Variants in CLDN10 observed in about 807,000 individuals in gnomAD.
The protein encoded by CLDN10 is claudin 10, also known as claudin-10.
A neutral mutation model predicts 22.9 loss-of-function variants in CLDN10; 15 were observed. That is an observed-to-expected ratio of 0.65 (90% CI 0.44 to 1.01). CLDN10 has a LOEUF of 1.01. Ranked by LOEUF, CLDN10 falls within the 50% of genes least tolerant of loss-of-function variation. The pLI is 0.00. For missense variants in CLDN10, 247 were observed against 287.8 expected (o/e 0.86, Z 1.03); for synonymous variants, 114 against 111.4 (o/e 1.02, Z -0.15).
At chr13:95,433,886 C>G (rs369938854) in exon 1 of CLDN10, 2 of 1,614,066 alleles carry the variant, frequency 1.2e-6, no homozygotes, top group Non-Finnish European at 8.5e-7. Context: ...GGGTTTGGAG[C>G]TCTCGTTGCT....
At chr13:95,437,685 G>A (rs2042285520) in intron 1 of CLDN10, among the ~76,000 whole-genome samples, 1 of 152,140 alleles carries the variant, frequency 6.6e-6, no homozygotes, top group Admixed American at 6.5e-5. Flanking sequence ...TCGCGATGAG[G>A]GCAAAATTGT....
intron 1 of CLDN10, among the ~76,000 whole-genome samples, chr13:95,531,696 A>AT (rs554517238): frequency 0.029 from 4,012 of 137,762 alleles, 73 homozygotes; most frequent in African/African-American, 0.059. Context: ...CGCCTGGCTA[A>AT]TTTTTTTTTT....
intron 1 of CLDN10, among the ~76,000 whole-genome samples, chr13:95,511,194 G>A (rs1429172236): frequency 1.3e-5 from 2 of 152,060 alleles, no homozygotes; most frequent in African/African-American, 4.8e-5. Flanking sequence ...CTGAAAGTCA[G>A]TCAACTGTAA....
At chr13:95,544,261 A>C (rs141764231) in intron 1 of CLDN10, among the ~76,000 whole-genome samples, 15 of 152,244 alleles carry the variant, frequency 9.9e-5, no homozygotes, top group Non-Finnish European at 1.9e-4. Flanking sequence ...CAGGTTGCTT[A>C]ACCAAATTTC....
rs148742018 is a variant in CLDN10, at chr13:95,510,273, A to G, written c.215-49859A>G. 1.4e-3 allele frequency among the ~76,000 whole-genome samples: 207 copies of G among 152,304 alleles called. 1 individual carries two copies. Among genetic ancestry groups the G allele is most frequent in the African/African-American group, 4.8e-3 (199 of 41,560 alleles). ...CTGCCTTTGAGTTTTGCTTAGGCCA[A>G]TCTTGCAATTCTCCCTCAATCCACG... On this transcript the variant is annotated intron_variant, in intron 1 of 4. Transcript: ENST00000376873.
rs558679405 is a variant in CLDN10, at chr13:95,498,552, G to C, written c.215-61580G>C. Among the ~76,000 whole-genome samples the C allele has an allele frequency of 1.6e-4, 25 of 151,990 alleles. No individual in the cohort carries two copies. In the East Asian group the frequency reaches 3.1e-3, roughly 19 times the overall value. ...TGGGACTACAGGCACAAGCCACCAC[G>C]CCTGGCTGATTTTTGTATTTTTAGT... On this transcript the variant is annotated intron_variant, in intron 1 of 4. Transcript: ENST00000376873.
At chr13:95,536,881 A>G (rs2043406121) in intron 1 of CLDN10, among the ~76,000 whole-genome samples, 1 of 152,206 alleles carries the variant, frequency 6.6e-6, no homozygotes, top group Non-Finnish European at 1.5e-5. Flanking sequence ...ATAGTGCGGT[A>G]TTTTACAAAA....
chr13:95,493,169 C>T (rs927789), intron 1 of CLDN10, among the ~76,000 whole-genome samples: 13,199 of 152,064 alleles, frequency 0.087, 606 homozygotes, highest in Middle Eastern at 0.095. Context: ...CTCTGCAGTT[C>T]CACCTCTGCC....
chr13:95,508,529 G>A (rs1258047547), intron 1 of CLDN10, among the ~76,000 whole-genome samples: 1 of 152,230 alleles, frequency 6.6e-6, no homozygotes, highest in Non-Finnish European at 1.5e-5. Context: ...CATCAATTAA[G>A]TGCTAGTAAA....
chr13:95,485,341 G>A (rs2042794364), intron 1 of CLDN10, among the ~76,000 whole-genome samples: 1 of 152,160 alleles, frequency 6.6e-6, no homozygotes, highest in African/African-American at 2.4e-5. Context: ...CAGAGTGGGA[G>A]GAGAACTTGC....
chr13:95,530,655 C>T (rs1222175035), intron 1 of CLDN10, among the ~76,000 whole-genome samples: 2 of 152,192 alleles, frequency 1.3e-5, no homozygotes, highest in African/African-American at 4.8e-5. Context: ...TACATAGACA[C>T]TCAAGGAAAA....
intron 1 of CLDN10, among the ~76,000 whole-genome samples, chr13:95,453,732 C>T (rs964516661): frequency 6.6e-6 from 1 of 151,728 alleles, no homozygotes; most frequent in Admixed American, 6.6e-5. Context: ...TTAAAAACTA[C>T]GTGTTTTATG....
chr13:95,495,816 A>C (rs1164760191), intron 1 of CLDN10, among the ~76,000 whole-genome samples: 1 of 152,062 alleles, frequency 6.6e-6, no homozygotes, highest in African/African-American at 2.4e-5. Flanking sequence ...GCCTGTAAGG[A>C]ATTTCTAATG....
At chr13:95,555,337 C>A (rs1035380193) in intron 1 of CLDN10, among the ~76,000 whole-genome samples, 2 of 152,234 alleles carry the variant, frequency 1.3e-5, no homozygotes, top group Non-Finnish European at 2.9e-5. Flanking sequence ...TGTGCGCCAC[C>A]GCGCCCAGCC....
At chr13:95,464,449 G>T (rs1260212827) in intron 1 of CLDN10, among the ~76,000 whole-genome samples, 1 of 152,164 alleles carries the variant, frequency 6.6e-6, no homozygotes, top group African/African-American at 2.4e-5. Flanking sequence ...TTTTATAGCT[G>T]CATAGTATTC....
chr13:95,572,289 T>A (rs2043873443), intron 3 of CLDN10, among the ~76,000 whole-genome samples: 1 of 152,226 alleles, frequency 6.6e-6, no homozygotes, highest in African/African-American at 2.4e-5. Context: ...TTGGGTTTTT[T>A]ATAGTTATAA....
At chr13:95,481,786 G>C (rs779107528) in intron 1 of CLDN10, among the ~76,000 whole-genome samples, 1 of 152,148 alleles carries the variant, frequency 6.6e-6, no homozygotes, top group South Asian at 2.1e-4. Context: ...TTGGGAAGCC[G>C]AAGTGAGTGG....
intron 1 of CLDN10, among the ~76,000 whole-genome samples, chr13:95,518,766 A>AAT (rs2043196117): frequency 6.6e-6 from 1 of 151,688 alleles, no homozygotes; most frequent in East Asian, 1.9e-4. Flanking sequence ...CAAAAAAAAA[A>AAT]AAATAAATAA....
intron 1 of CLDN10, among the ~76,000 whole-genome samples, chr13:95,528,864 G>A (rs2043312367): frequency 6.6e-6 from 1 of 152,178 alleles, no homozygotes; most frequent in Non-Finnish European, 1.5e-5. Context: ...AAGTTAAAGA[G>A]AGAAGTTAAG....
Sources: gnomAD v4.1 joint callset for allele counts (sites outside exome capture counted in the v4.1 genomes callset) on GRCh38, gnomAD v4.1.1 for gene constraint, MANE v1.5 for transcripts, NCBI Gene and HGNC (gene_info 2026-07-23, HGNC 2026-07-21) for gene names.